DENND5B: variants seen among roughly 807,000 people sequenced by gnomAD.
DENND5B encodes DENN domain-containing protein 5B.
A neutral mutation model predicts 140.6 loss-of-function variants in DENND5B; 34 were observed. The observed-to-expected ratio is 0.24, with a 90% CI of 0.18 to 0.32. DENND5B has a LOEUF of 0.32. Among genes scored for constraint, DENND5B ranks in the 10% least tolerant of loss-of-function variants. The probability of loss-of-function intolerance (pLI) is 1.00; values close to 1 mark genes in which losing one functional copy is unlikely to be tolerated. For missense variants in DENND5B, 1,142 were observed against 1,560.2 expected (o/e 0.73, Z 4.52); for synonymous variants, 551 against 562.1 (o/e 0.98, Z 0.28).
At chr12:31,587,564 T>G (rs1950440292) in intron 1 of DENND5B, among the ~76,000 whole-genome samples, 1 of 86,852 alleles carries the variant, frequency 1.2e-5, no homozygotes, top group East Asian at 4.3e-4. Context: ...TTTTTTTTTT[T>G]TGAGACAGAG....
At chr12:31,425,158 C>A (rs1220077381) in intron 9 of DENND5B, among the ~76,000 whole-genome samples, 1 of 152,114 alleles carries the variant, frequency 6.6e-6, no homozygotes, top group East Asian at 1.9e-4. Flanking sequence ...ACTAAAAATA[C>A]AAGTTAGCCG....
At chr12:31,396,233 C>T (rs570117530) in intron 17 of DENND5B, among the ~76,000 whole-genome samples, 4 of 151,858 alleles carry the variant, frequency 2.6e-5, no homozygotes, top group Non-Finnish European at 5.9e-5. Context: ...CCATGCCCAG[C>T]TAATTTTTGT....
chr12:31,414,738 G>A (rs901318491), intron 12 of DENND5B, among the ~76,000 whole-genome samples: 1 of 151,958 alleles, frequency 6.6e-6, no homozygotes, highest in Non-Finnish European at 1.5e-5. Context: ...GACCATCCTG[G>A]CTAACATGGT....
Position 31,421,679 on chromosome 12 carries a change from A to G in DENND5B, c.2470+1918T>C, listed in dbSNP as rs1177535214. On this transcript the variant is annotated intron_variant, in intron 11 of 20. Transcript: ENST00000389082. Reference sequence around the variant, plus strand: ...ATTCTCCTGACTCAGTCTCCTGAGTAGCTGGGATTACAGATGCCCACCACC... The same window carrying G: ...ATTCTCCTGACTCAGTCTCCTGAGTGGCTGGGATTACAGATGCCCACCACC... Among the ~76,000 whole-genome samples the G allele has an allele frequency of 6.6e-5, 10 of 152,252 alleles. No homozygotes were observed. In the East Asian group the frequency reaches 1.7e-3, roughly 26 times the overall value.
At chr12:31,446,977 A>G (rs192490525) in intron 6 of DENND5B, among the ~76,000 whole-genome samples, 18 of 152,218 alleles carry the variant, frequency 1.2e-4, no homozygotes, top group Middle Eastern at 6.8e-3. Context: ...TAAAGAGAAT[A>G]AAACAAAAGT....
At chr12:31,429,056 A>T (rs954269034) in intron 8 of DENND5B, among the ~76,000 whole-genome samples, 3 of 147,202 alleles carry the variant, frequency 2.0e-5, no homozygotes, top group Non-Finnish European at 4.5e-5. Context: ...TTATATTTTT[A>T]AGAGACGGGG....
intron 1 of DENND5B, among the ~76,000 whole-genome samples, chr12:31,533,765 C>G (rs1183119837): frequency 6.6e-6 from 1 of 152,164 alleles, no homozygotes; most frequent in African/African-American, 2.4e-5. Flanking sequence ...GAGGACTATC[C>G]ACAGAATTGT....
At chr12:31,462,725 G>C (rs907926187) in intron 3 of DENND5B, among the ~76,000 whole-genome samples, 1 of 152,122 alleles carries the variant, frequency 6.6e-6, no homozygotes, top group Non-Finnish European at 1.5e-5. Context: ...TTGGGAGACC[G>C]AGGTGGGTGG....
intron 1 of DENND5B, among the ~76,000 whole-genome samples, chr12:31,576,156 A>AAG (rs1555176283): frequency 0.017 from 2,231 of 131,150 alleles, 52 homozygotes; most frequent in Non-Finnish European, 0.025. Context: ...AAAAAAAAAA[A>AAG]AAGAAGAATG....
At chr12:31,556,384 T>C (rs758783464) in intron 1 of DENND5B, among the ~76,000 whole-genome samples, 9 of 152,134 alleles carry the variant, frequency 5.9e-5, no homozygotes, top group Non-Finnish European at 1.2e-4. Context: ...GTATTTTTAG[T>C]AGAGATAGGG....
intron 1 of DENND5B, among the ~76,000 whole-genome samples, chr12:31,557,524 G>C (rs1052199751): frequency 2.6e-5 from 4 of 151,892 alleles, no homozygotes; most frequent in Admixed American, 2.6e-4. Context: ...TGGGATTACA[G>C]GTATGCACCA....
At chr12:31,447,807 G>A in intron 5 of DENND5B, 38 bp from the exon 6 acceptor site, 3 of 1,422,982 alleles carry the variant, frequency 2.1e-6, no homozygotes, top group Admixed American at 4.0e-5. Context: ...AGTGCAAAGA[G>A]ACCATCTCAA....
intron 7 of DENND5B, among the ~76,000 whole-genome samples, chr12:31,439,293 T>A (rs1463094247): frequency 6.6e-6 from 1 of 152,166 alleles, no homozygotes; most frequent in African/African-American, 2.4e-5. Context: ...TATATCTACC[T>A]GAAAACGTAA....
rs1555163284 is a variant in DENND5B at position 31,495,389 on chromosome 12, C to CTTTTTCTTTTT, written c.237+420_237+421insAAAAAGAAAAA. Among the ~76,000 whole-genome samples, 20 of 136,234 alleles carry CTTTTTCTTTTT rather than the reference C, an allele frequency of 1.5e-4. 1 individual carries two copies. Among genetic ancestry groups the CTTTTTCTTTTT allele is most frequent in the Non-Finnish European group, 2.6e-4 (17 of 64,966 alleles). 89.4% of individuals were successfully genotyped at this position (136,234 alleles called of 152,430 possible). Reference sequence around the variant, plus strand: ...GAGAGTATCACATTTCTTTTTTTTTCTTTTTTTGAGACAGAGTCTCGCTCT... The same window carrying CTTTTTCTTTTT: ...GAGAGTATCACATTTCTTTTTTTTTCTTTTTCTTTTTTTTTTTTGAGACAGAGTCTCGCTCT... On this transcript the variant is annotated intron_variant, in intron 2 of 20. Transcript: ENST00000389082.
At chr12:31,489,162 C>A (rs1946423712) in intron 2 of DENND5B, among the ~76,000 whole-genome samples, 1 of 151,778 alleles carries the variant, frequency 6.6e-6, no homozygotes, top group African/African-American at 2.4e-5. Flanking sequence ...ATACGTTATA[C>A]CATATAACTT....
intron 1 of DENND5B, among the ~76,000 whole-genome samples, chr12:31,550,742 T>G (rs1443286659): frequency 6.6e-6 from 1 of 152,196 alleles, no homozygotes; most frequent in Non-Finnish European, 1.5e-5. Context: ...TCCTGACTTT[T>G]TAATGATCGC....
At chr12:31,431,302 C>T (rs1263043043) in intron 8 of DENND5B, among the ~76,000 whole-genome samples, 1 of 152,082 alleles carries the variant, frequency 6.6e-6, no homozygotes, top group African/African-American at 2.4e-5. Context: ...GAAGAGAAGA[C>T]CATTGTAAAA....
chr12:31,484,503 T>TA (rs1225705822), intron 2 of DENND5B, among the ~76,000 whole-genome samples: 1 of 151,982 alleles, frequency 6.6e-6, no homozygotes, highest in Admixed American at 6.6e-5. Flanking sequence ...GTGGAAATTT[T>TA]AAAAAATCGT....
At chr12:31,476,261 A>C (rs1240351732) in intron 3 of DENND5B, among the ~76,000 whole-genome samples, 1 of 151,614 alleles carries the variant, frequency 6.6e-6, no homozygotes, top group Non-Finnish European at 1.5e-5. Context: ...TCTGGAATAA[A>C]CTCTTGACTG....
Sources: gnomAD v4.1 joint callset for allele counts (sites outside exome capture counted in the v4.1 genomes callset) on GRCh38, gnomAD v4.1.1 for gene constraint, MANE v1.5 for transcripts, NCBI Gene and HGNC (gene_info 2026-07-23, HGNC 2026-07-21) for gene names.